Variants in WDCP observed in about 807,000 individuals in gnomAD.
The protein encoded by WDCP is WD repeat and coiled coil containing.
WDCP carries 19 observed loss-of-function variants against 41.6 expected under a neutral mutation model. That is an observed-to-expected ratio of 0.46 (90% CI 0.32 to 0.67). The LOEUF is 0.67. WDCP is among the 30% of genes least tolerant of loss of function. The probability of loss-of-function intolerance (pLI) is 0.04; values close to 1 mark genes in which losing one functional copy is unlikely to be tolerated. For missense variants in WDCP, 802 were observed against 850.7 expected (o/e 0.94, Z 0.71); for synonymous variants, 302 against 320.8 (o/e 0.94, Z 0.63).
At chr2:24,034,385 A>G (rs1663179979) in intron 2 of WDCP, among the ~76,000 whole-genome samples, 1 of 152,174 alleles carries the variant, frequency 6.6e-6, no homozygotes, top group African/African-American at 2.4e-5. Flanking sequence ...GCGCCACTGC[A>G]CTCCGGCCTG....
chr2:24,040,158 C>T (rs1181652494), intron 1 of WDCP, among the ~76,000 whole-genome samples: 2 of 151,956 alleles, frequency 1.3e-5, no homozygotes, highest in African/African-American at 4.8e-5. Context: ...GGACAAGGTC[C>T]TTATTATTTA....
At chr2:24,035,935 GGCAC>G (rs1020097862) in intron 2 of WDCP, among the ~76,000 whole-genome samples, 8 of 151,796 alleles carry the variant, frequency 5.3e-5, no homozygotes, top group Admixed American at 3.3e-4. Flanking sequence ...CAGGTGTGGT[GGCAC>G]GTGCCTGTAA....
chr2:24,039,676 C>A (rs947966906), intron 1 of WDCP, among the ~76,000 whole-genome samples, 164 bp from the exon 2 acceptor site: 5 of 152,096 alleles, frequency 3.3e-5, no homozygotes, highest in African/African-American at 1.2e-4. Flanking sequence ...AGCTATCAGG[C>A]AAATGCAATG....
Position 24,038,198 on chromosome 2 carries a change from A to G in WDCP, c.1297T>C (p.Leu433=), listed in dbSNP as rs767663581. The G allele has an allele frequency of 3.7e-6, 6 of 1,614,116 alleles. No homozygotes were observed. The highest frequency in any genetic ancestry group is 1.7e-5 in the Admixed American group (1 of 60,006). The part of the protein sequence containing the change: ...AISLIVREIM[L]EEEPSITSGE... ...GATGTTATTGAAGGTTCTTCTTCCA[A>G]CATTATTTCTCTAACAATCAAGCTA... Residue 433 remains leucine (L), a synonymous_variant, in exon 2 of 4, where the codon TTG becomes CTG. Transcript: ENST00000295148.
At position 24,038,197 on chromosome 2, in the gene WDCP, A is replaced by G; in HGVS notation, c.1298T>C (p.Leu433Ser). 2 of 1,614,110 alleles carry G rather than the reference A, an allele frequency of 1.2e-6. No individual in the cohort carries two copies. Among genetic ancestry groups the G allele is most frequent in the East Asian group, 2.2e-5 (1 of 44,904 alleles). The change falls in exon 2 of 4, where the codon TTG (leucine) becomes TCG (serine). Residue 433 changes from leucine to serine, a missense_variant. Physicochemically the swap from Leu to Ser is moderately radical, Grantham distance 145 (BLOSUM62 -2). Coordinates refer to ENST00000295148, the MANE Select transcript of WDCP (RefSeq NM_025203.3). ...AISLIVREIM[L>S]EEEPSITSGE... Reference sequence around the variant, plus strand: ...TGATGTTATTGAAGGTTCTTCTTCCAACATTATTTCTCTAACAATCAAGCT... The same window carrying G: ...TGATGTTATTGAAGGTTCTTCTTCCGACATTATTTCTCTAACAATCAAGCT...
chr2:24,047,064 C>T (rs1663648827), intron 1 of WDCP, among the ~76,000 whole-genome samples: 1 of 152,120 alleles, frequency 6.6e-6, no homozygotes. Context: ...CTTTGGATGA[C>T]TTCCTTGGGA....
At chr2:24,031,762 G>A (rs998867075) in intron 3 of WDCP, among the ~76,000 whole-genome samples, 3 of 151,778 alleles carry the variant, frequency 2.0e-5, no homozygotes, top group Non-Finnish European at 4.4e-5. Context: ...GGAGGCGGAG[G>A]TTGCAGTGAG....
chr2:24,037,057 T>A (rs975287381), intron 2 of WDCP, among the ~76,000 whole-genome samples: 1 of 152,276 alleles, frequency 6.6e-6, no homozygotes, highest in Non-Finnish European at 1.5e-5. Flanking sequence ...AGACGGAGTC[T>A]CGCCCTGTTG....
At chr2:24,034,615 C>T (rs1438186075) in intron 2 of WDCP, among the ~76,000 whole-genome samples, 1 of 149,270 alleles carries the variant, frequency 6.7e-6, no homozygotes, top group African/African-American at 2.5e-5. Context: ...GCTCTGTTTC[C>T]CAGGCTGGCG....
rs545241191 is a variant in WDCP at position 24,035,302 on chromosome 2, T to C, written c.1819-2356A>G. 2.0e-4 allele frequency among the ~76,000 whole-genome samples: 30 copies of C among 151,804 alleles called. No individual in the cohort carries two copies. In the South Asian group the frequency reaches 5.8e-3, roughly 29 times the overall value. On this transcript the variant is annotated intron_variant, in intron 2 of 3. Transcript: ENST00000295148. ...CTATTAAATGGAAAATGAAAAGGTG[T>C]GTATATCACCTTCCCTTTTGTGTAA...
intron 2 of WDCP, 44 bp downstream of exon 2, chr2:24,037,633 A>C (rs1159658427): frequency 6.5e-7 from 1 of 1,540,882 alleles, no homozygotes; most frequent in South Asian, 1.2e-5. Context: ...CACCGGCTGC[A>C]GGAGCTTTTA....
chr2:24,044,098 A>G (rs1663537317), intron 1 of WDCP, among the ~76,000 whole-genome samples: 3 of 152,192 alleles, frequency 2.0e-5, no homozygotes, highest in African/African-American at 4.8e-5. Context: ...TAATGCCATG[A>G]TACACTTTCA....
At chr2:24,044,587 G>T (rs1663553699) in intron 1 of WDCP, among the ~76,000 whole-genome samples, 1 of 152,228 alleles carries the variant, frequency 6.6e-6, no homozygotes, top group Non-Finnish European at 1.5e-5. Flanking sequence ...GTTTTTAGAA[G>T]AATGAATTTT....
In WDCP at chr2:24,037,803, T is replaced by C. The variant is rs1558334032; in HGVS notation, c.1692A>G (p.Leu564=). The C allele has an allele frequency of 1.2e-6, 2 of 1,614,254 alleles. No individual in the cohort carries two copies. Among genetic ancestry groups the C allele is most frequent in the East Asian group, 2.2e-5 (1 of 44,888 alleles). ...GTTGCATTTCAACCAGGTTCCTAGA[T>C]AAAATTTCCACTTCCTTAGACAGCT... The part of the protein sequence containing the change: ...TYQLSKEVEI[L]SRNLVEMQRC... Residue 564 remains leucine, a synonymous_variant, in exon 2 of 4, where the codon TTA becomes TTG. Transcript: ENST00000295148.
chr2:24,039,015 G>A lies in WDCP; in HGVS notation c.480C>T (p.His160=). ...GGCCATCCTGGGTCCAACATGCACAGTGAATGCGGCCCTGGGTGTTGATGT... is the reference window on the plus strand; with the variant it reads ...GGCCATCCTGGGTCCAACATGCACAATGAATGCGGCCCTGGGTGTTGATGT... ...KADINTQGRI[H]CACWTQDGLR... The change falls in exon 2 of 4, where the codon CAC becomes CAT. Residue 160 remains histidine (H), a synonymous_variant. Coordinates refer to ENST00000295148, the MANE Select transcript of WDCP (RefSeq NM_025203.3). The A allele has an allele frequency of 6.2e-7, 1 of 1,614,190 alleles. No homozygotes were observed. The highest frequency in any genetic ancestry group is 8.5e-7 in the Non-Finnish European group (1 of 1,180,042).
In WDCP at chr2:24,038,527, G is replaced by C; in HGVS notation, c.968C>G (p.Thr323Ser). Residue 323 changes from threonine to serine, a missense_variant, in exon 2 of 4, where the codon ACC becomes AGC. Thr to Ser is a moderately conservative substitution (Grantham distance 58). Coordinates refer to ENST00000295148, the MANE Select transcript of WDCP (RefSeq NM_025203.3). ...GQDSSHLVLV[T>S]FKKAVTMTRK... ...CGTCATGGTAACTGCCTTCTTAAAG[G>C]TCACAAGGACCAAATGTGAAGAATC... 1.2e-6 allele frequency: 2 copies of C among 1,614,212 alleles called. No homozygotes were observed. The highest frequency in any genetic ancestry group is 1.7e-6 in the Non-Finnish European group (2 of 1,180,048).
chr2:24,043,862 T>TGTC (rs1005044386), intron 1 of WDCP, among the ~76,000 whole-genome samples: 2 of 151,698 alleles, frequency 1.3e-5, no homozygotes, highest in African/African-American at 4.8e-5. Context: ...TTGCTAGCTT[T>TGTC]GTCCTTGCTC....
At chr2:24,041,474 A>C (rs1190301566) in intron 1 of WDCP, among the ~76,000 whole-genome samples, 1 of 152,162 alleles carries the variant, frequency 6.6e-6, no homozygotes, top group Non-Finnish European at 1.5e-5. Flanking sequence ...TTAAAGAAAG[A>C]CACAAAGATA....
intron 2 of WDCP, among the ~76,000 whole-genome samples, chr2:24,034,876 A>G (rs1663196894): frequency 6.6e-6 from 1 of 152,160 alleles, no homozygotes; most frequent in Admixed American, 6.5e-5. Context: ...TGCCTGGCCA[A>G]ACATGGTTGT....
Sources: allele counts gnomAD v4.1 joint callset (sites outside exome capture counted in the v4.1 genomes callset), GRCh38; gene constraint gnomAD v4.1.1; transcripts MANE v1.5; gene names NCBI Gene and HGNC (gene_info 2026-07-23, HGNC 2026-07-21).